CDIP1: variants seen among roughly 807,000 people sequenced by gnomAD.
CDIP1 encodes the protein cell death-inducing p53-target protein 1.
In CDIP1, 9 loss-of-function variants were observed where a neutral mutation model predicts 17.7. That is an observed-to-expected ratio of 0.51 (90% CI 0.31 to 0.89). The LOEUF (loss-of-function observed/expected upper bound fraction) is 0.89, where lower values mean the gene tolerates loss of function less well. Among genes scored for constraint, CDIP1 ranks in the 40% least tolerant of loss-of-function variants. The pLI is 0.05. For missense variants in CDIP1, 263 were observed against 277.9 expected, an observed-to-expected ratio of 0.95 and a Z score of 0.38; for synonymous variants, 117 against 109.5, an observed-to-expected ratio of 1.07 and a Z score of -0.43.
Position 4,513,896 on chromosome 16 carries a change from G to T in CDIP1, c.86-45C>A. 1 of 1,511,886 alleles carries T rather than the reference G, an allele frequency of 6.6e-7. No individual in the cohort carries two copies. Among genetic ancestry groups the T allele is most frequent in the Non-Finnish European group, 8.9e-7 (1 of 1,127,190 alleles). The allele number at this position is 1,511,886 out of a possible 1,614,324, so 93.7% of individuals were successfully genotyped here. On this transcript the variant is annotated intron_variant, in intron 3 of 5. Transcript: ENST00000567695. This position sits in a 1 kb window ranked among gnomAD's most constrained non-coding sequence, Gnocchi z 4.1. ...AAGAGGAGACTGAGCTGGAGCCTCT[G>T]CACGATGAGCTCGACCAGAGGCCAC... is the stretch of plus-strand genomic sequence containing the variant.
At chr16:4,521,429 C>A (rs770779854) in intron 1 of CDIP1, among the ~76,000 whole-genome samples, 1 of 152,124 alleles carries the variant, frequency 6.6e-6, no homozygotes, top group Non-Finnish European at 1.5e-5. Context: ...CAGGACTTCA[C>A]AACCAGAAGG....
chr16:4,529,561 A>G (rs1351287605), intron 1 of CDIP1, among the ~76,000 whole-genome samples: 3 of 152,230 alleles, frequency 2.0e-5, no homozygotes, highest in Non-Finnish European at 4.4e-5. Context: ...CTCAACCACA[A>G]GTGAATAAAC....
At position 4,512,541 on chromosome 16, in the gene CDIP1, ACAGG is replaced by A; in HGVS notation, c.*27_*30del. 6.6e-7 allele frequency: 1 copy of A among 1,505,060 alleles called. No individual in the cohort carries two copies. The highest frequency in any genetic ancestry group is 9.3e-7 in the Non-Finnish European group (1 of 1,081,028). 93.2% of individuals were successfully genotyped at this position (1,505,060 alleles called of 1,614,324 possible). ...GAGCAAAGCACAGGGGGCCAGACTG[ACAGG>A]CGGGGGAGTCCCGAGTCCCAGCTCC... On this transcript the variant is annotated 3_prime_UTR_variant, in exon 6 of 6. Coordinates refer to ENST00000567695, the MANE Select transcript of CDIP1 (RefSeq NM_013399.3). This position sits in a 1 kb window ranked among gnomAD's most constrained non-coding sequence, Gnocchi z 4.6.
intron 1 of CDIP1, among the ~76,000 whole-genome samples, chr16:4,521,739 C>T (rs1162701211): frequency 5.3e-5 from 8 of 150,378 alleles, no homozygotes; most frequent in Admixed American, 3.3e-4. Flanking sequence ...GGGGCCCGCT[C>T]TGCATCAGCT....
intron 1 of CDIP1, chr16:4,515,013 G>C (rs911178263): frequency 2.6e-5 from 4 of 152,554 alleles, no homozygotes; most frequent in African/African-American, 9.6e-5. Flanking sequence ...GGGTCAGGGG[G>C]AAGAAGAGTC....
At chr16:4,525,618 C>A (rs535954105) in intron 1 of CDIP1, among the ~76,000 whole-genome samples, 1 of 152,318 alleles carries the variant, frequency 6.6e-6, no homozygotes, top group African/African-American at 2.4e-5. Flanking sequence ...GGGACCAGGC[C>A]AGGATTCCCT....
At chr16:4,534,973 C>A (rs1201201449) in intron 1 of CDIP1, among the ~76,000 whole-genome samples, 1 of 152,106 alleles carries the variant, frequency 6.6e-6, no homozygotes, top group Non-Finnish European at 1.5e-5. Flanking sequence ...CCCCGTTGGC[C>A]TCCTAAAGTG....
At chr16:4,536,056 C>T (rs1161193616) in intron 1 of CDIP1, among the ~76,000 whole-genome samples, 1 of 152,238 alleles carries the variant, frequency 6.6e-6, no homozygotes, top group Non-Finnish European at 1.5e-5. Context: ...CCAAGGTCCT[C>T]TGCAGAGCTC....
Position 4,530,090 on chromosome 16 carries a change from A to T in CDIP1, c.-105+8612T>A, listed in dbSNP as rs138560112. Among the ~76,000 whole-genome samples, 268 of 152,360 alleles carry T rather than the reference A, an allele frequency of 1.8e-3. 4 individuals carry two copies. The highest frequency in any genetic ancestry group is 6.3e-3 in the African/African-American group (260 of 41,586). ...CTCAGAACAGTGAGGACAGTGGCTC[A>T]TCCCTGCGACATTTAGATCTCTCAT... On this transcript the variant is annotated intron_variant, in intron 1 of 5. Transcript: ENST00000567695.
At chr16:4,536,070 C>T (rs2059103589) in intron 1 of CDIP1, among the ~76,000 whole-genome samples, 1 of 152,252 alleles carries the variant, frequency 6.6e-6, no homozygotes, top group South Asian at 2.1e-4. Flanking sequence ...AGAGCTCTCC[C>T]TGCCTGCCAC....
intron 1 of CDIP1, among the ~76,000 whole-genome samples, chr16:4,526,313 G>A (rs774452637): frequency 6.6e-6 from 1 of 152,158 alleles, no homozygotes; most frequent in African/African-American, 2.4e-5. Flanking sequence ...GCTGAGGCAG[G>A]AGAATTACTT....
intron 1 of CDIP1, among the ~76,000 whole-genome samples, chr16:4,533,855 C>T (rs1252279297): frequency 1.3e-5 from 2 of 152,136 alleles, no homozygotes; most frequent in Non-Finnish European, 2.9e-5. Context: ...TGGGACTCTC[C>T]CACTTGTATT....
chr16:4,527,453 T>G (rs895622112), intron 1 of CDIP1, among the ~76,000 whole-genome samples: 4 of 152,164 alleles, frequency 2.6e-5, no homozygotes, highest in African/African-American at 9.7e-5. Flanking sequence ...GTTCTAAACC[T>G]AAAAGTACTA....
chr16:4,534,717 TTTTG>T (rs2059090111), intron 1 of CDIP1, among the ~76,000 whole-genome samples: 1 of 150,462 alleles, frequency 6.6e-6, no homozygotes, highest in Non-Finnish European at 1.5e-5. Context: ...TTTTTTTGGT[TTTTG>T]TTTGTTTGAT....
At chr16:4,525,382 A>G (rs1396785548) in intron 1 of CDIP1, among the ~76,000 whole-genome samples, 4 of 152,278 alleles carry the variant, frequency 2.6e-5, no homozygotes, top group East Asian at 1.9e-4. Context: ...GCACTGGCTC[A>G]AGGAGGAGCT....
At chr16:4,516,882 A>AT (rs1313056160) in intron 1 of CDIP1, among the ~76,000 whole-genome samples, 5 of 151,412 alleles carry the variant, frequency 3.3e-5, no homozygotes, top group Admixed American at 2.6e-4. Flanking sequence ...TGATTTTTGT[A>AT]TTTTTTTAGT....
chr16:4,537,642 T>C (rs745954171), intron 1 of CDIP1, among the ~76,000 whole-genome samples: 18 of 152,182 alleles, frequency 1.2e-4, no homozygotes, highest in Non-Finnish European at 2.2e-4. Flanking sequence ...CTGGGGAGCC[T>C]ACTAAATGCA....
chr16:4,512,368 C>A lies in CDIP1; in HGVS notation c.*204G>T. 1.7e-6 allele frequency: 1 copy of A among 601,456 alleles called. No individual in the cohort carries two copies. Among genetic ancestry groups the A allele is most frequent in the East Asian group, 2.8e-5 (1 of 36,060 alleles). 37.3% of individuals were successfully genotyped at this position (601,456 alleles called of 1,614,324 possible). On this transcript the variant is annotated 3_prime_UTR_variant, in exon 6 of 6. Transcript: ENST00000567695. The surrounding 1 kb of genome is among the most constrained non-coding windows in gnomAD (Gnocchi z 4.6). The stretch of plus-strand genomic sequence containing the variant: ...CTCATTGTCAGCCCCCTGCCACCCA[C>A]TGACCCTTGGCCTTAAATCCCAACA...
chr16:4,516,827 C>G (rs965926675), intron 1 of CDIP1, among the ~76,000 whole-genome samples: 2 of 151,628 alleles, frequency 1.3e-5, no homozygotes, highest in Non-Finnish European at 2.9e-5. Context: ...CCTGCCTCAG[C>G]CTCCCAAGTA....
Sources: gnomAD v4.1 joint callset for allele counts (sites outside exome capture counted in the v4.1 genomes callset) on GRCh38, gnomAD v4.1.1 for gene constraint, Gnocchi (gnomAD v3.1) non-coding constraint, MANE v1.5 for transcripts, NCBI Gene and HGNC (gene_info 2026-07-23, HGNC 2026-07-21) for gene names.